The following PIK3C2G variants were observed in gnomAD, a reference collection of about 807,000 sequenced individuals.
PIK3C2G encodes the protein phosphatidylinositol 3-kinase C2 domain-containing subunit gamma.
Under a neutral mutation model 181.1 loss-of-function variants are expected in PIK3C2G, and 168 were observed. That is an observed-to-expected ratio of 0.93 (90% confidence interval 0.82 to 1.05). The LOEUF is 1.05. PIK3C2G is among the 50% of genes least tolerant of loss of function. The pLI, the probability that PIK3C2G is intolerant of heterozygous loss-of-function variation, is 0.00. For missense variants in PIK3C2G, 1,869 were observed against 1,732.8 expected, an observed-to-expected ratio of 1.08 and a Z score of -1.40; for synonymous variants, 573 against 592.2, an observed-to-expected ratio of 0.97 and a Z score of 0.47.
intron 14 of PIK3C2G, among the ~76,000 whole-genome samples, chr12:18,387,534 A>G (rs1232348377): frequency 6.6e-6 from 1 of 151,854 alleles, no homozygotes; most frequent in East Asian, 1.9e-4. Flanking sequence ...TCGCCCCTTC[A>G]CCCTCCACTG....
At chr12:18,525,106 T>A (rs1943148360) in intron 24 of PIK3C2G, among the ~76,000 whole-genome samples, 2 of 151,940 alleles carry the variant, frequency 1.3e-5, no homozygotes, top group Non-Finnish European at 2.9e-5. Flanking sequence ...AATCTGTATA[T>A]TGGGCCAGAC....
At chr12:18,347,154 T>C (rs1939748272) in intron 11 of PIK3C2G, among the ~76,000 whole-genome samples, 1 of 152,060 alleles carries the variant, frequency 6.6e-6, no homozygotes, top group Admixed American at 6.6e-5. Flanking sequence ...AAATGGCTAA[T>C]GCTAGTTAAG....
chr12:18,375,555 T>C (rs778889579), intron 13 of PIK3C2G, among the ~76,000 whole-genome samples: 2 of 152,250 alleles, frequency 1.3e-5, no homozygotes, highest in Non-Finnish European at 2.9e-5. Context: ...TGCCTGGCCA[T>C]GTGGCAGAGA....
At chr12:18,614,473 T>A (rs1421489907) in intron 31 of PIK3C2G, among the ~76,000 whole-genome samples, 1 of 152,148 alleles carries the variant, frequency 6.6e-6, no homozygotes, top group Non-Finnish European at 1.5e-5. Flanking sequence ...AGCTTTTTCA[T>A]GAAACTTCAC....
At chr12:18,276,336 A>C (rs73060444) in intron 1 of PIK3C2G, among the ~76,000 whole-genome samples, 2,353 of 152,192 alleles carry the variant, frequency 0.015, 29 homozygotes, top group Middle Eastern at 0.027. Context: ...CTAACTTTTT[A>C]TTGTCTTATT....
At chr12:18,575,695 T>C (rs1014808426) in intron 29 of PIK3C2G, among the ~76,000 whole-genome samples, 1 of 152,134 alleles carries the variant, frequency 6.6e-6, no homozygotes, top group South Asian at 2.1e-4. Context: ...AAAGGGCAAG[T>C]AGCAGTTGGT....
chr12:18,678,472 G>A, the PIK3C2G span, among the ~76,000 whole-genome samples: 2,204 of 151,956 alleles, frequency 0.015, 58 homozygotes, highest in African/African-American at 0.051. Flanking sequence ...TTCCATCCAT[G>A]CCAAAAATTT....
chr12:18,603,605 T>C (rs1017410567), intron 30 of PIK3C2G, among the ~76,000 whole-genome samples: 4 of 152,126 alleles, frequency 2.6e-5, no homozygotes, highest in African/African-American at 9.7e-5. Context: ...GAAAGAATCT[T>C]AAGACCTGTG....
intron 28 of PIK3C2G, among the ~76,000 whole-genome samples, chr12:18,565,055 C>T (rs1377876610): frequency 6.6e-6 from 1 of 152,274 alleles, no homozygotes; most frequent in East Asian, 1.9e-4. Flanking sequence ...GTGTAAGCAA[C>T]CTGTGGAGGC....
At position 18,545,410 on chromosome 12, in the gene PIK3C2G, G is replaced by A. The variant is rs376061292; in HGVS notation, c.3481-913G>A. Reference sequence around the variant, plus strand: ...CACTTTACCCTTTGTTTTAAGGATCGATAGTATCATTCTTAACATCTTATT... The same window carrying A: ...CACTTTACCCTTTGTTTTAAGGATCAATAGTATCATTCTTAACATCTTATT... On this transcript the variant is annotated intron_variant, in intron 25 of 32. Transcript: ENST00000538779. 1.1e-4 allele frequency among the ~76,000 whole-genome samples: 16 copies of A among 151,706 alleles called. No homozygotes were observed. In the East Asian group the frequency reaches 2.7e-3, roughly 26 times the overall value.
intron 7 of PIK3C2G, among the ~76,000 whole-genome samples, chr12:18,324,730 T>C (rs149198447): frequency 2.6e-5 from 4 of 152,340 alleles, no homozygotes; most frequent in African/African-American, 9.6e-5. Flanking sequence ...ATGAATCCCT[T>C]TGCAACTTAC....
the PIK3C2G span, among the ~76,000 whole-genome samples, chr12:18,663,541 G>A: frequency 6.6e-6 from 1 of 151,936 alleles, no homozygotes; most frequent in Non-Finnish European, 1.5e-5. Context: ...TCCATAGGAG[G>A]TCCTGGAAAT....
chr12:18,450,888 G>A (rs1384507939), intron 18 of PIK3C2G, among the ~76,000 whole-genome samples: 1 of 152,152 alleles, frequency 6.6e-6, no homozygotes, highest in Non-Finnish European at 1.5e-5. Flanking sequence ...GATGGTAGTA[G>A]ACGTGTGGTG....
chr12:18,604,584 A>G (rs1947912044), intron 30 of PIK3C2G, among the ~76,000 whole-genome samples: 1 of 152,212 alleles, frequency 6.6e-6, no homozygotes, highest in Admixed American at 6.6e-5. Flanking sequence ...CAGCAACCAC[A>G]GAATACACAT....
the PIK3C2G span, among the ~76,000 whole-genome samples, chr12:18,685,034 T>C: frequency 6.6e-6 from 1 of 152,034 alleles, no homozygotes; most frequent in Admixed American, 6.6e-5. Context: ...TGTGAGTCAA[T>C]TAAACCTCTT....
chr12:18,707,954 G>C, the PIK3C2G span, among the ~76,000 whole-genome samples: 3 of 152,136 alleles, frequency 2.0e-5, no homozygotes, highest in African/African-American at 7.2e-5. Flanking sequence ...TTATTACAGT[G>C]AATCAAATTA....
chr12:18,312,021 C>T (rs1372671237), intron 5 of PIK3C2G, among the ~76,000 whole-genome samples: 2 of 152,134 alleles, frequency 1.3e-5, no homozygotes, highest in Non-Finnish European at 2.9e-5. Flanking sequence ...CGAGGCTAAG[C>T]CAGTCTAGTC....
chr12:18,723,529 A>T, the PIK3C2G span: 1 of 1,611,942 alleles, frequency 6.2e-7, no homozygotes, highest in African/African-American at 1.3e-5. Context: ...TCCTTGTTTC[A>T]GCCTGTCATT....
At chr12:18,564,319 A>C (rs1354575919) in intron 28 of PIK3C2G, among the ~76,000 whole-genome samples, 1 of 151,836 alleles carries the variant, frequency 6.6e-6, no homozygotes, top group Non-Finnish European at 1.5e-5. Context: ...AGAAATCATG[A>C]TATTGCATTT....
Sources: gnomAD v4.1 joint callset for allele counts (sites outside exome capture counted in the v4.1 genomes callset) on GRCh38, gnomAD v4.1.1 for gene constraint, MANE v1.5 for transcripts, NCBI Gene and HGNC (gene_info 2026-07-23, HGNC 2026-07-21) for gene names.